SGPL1: variants seen among roughly 807,000 people sequenced by gnomAD.
SGPL1 encodes the protein SP-lyase 1.
A neutral mutation model predicts 68.9 loss-of-function variants in SGPL1; 37 were observed. That is an observed-to-expected ratio of 0.54 (90% CI 0.41 to 0.71). The LOEUF (loss-of-function observed/expected upper bound fraction) is 0.71, where lower values mean the gene tolerates loss of function less well. SGPL1 is among the 30% of genes least tolerant of loss of function. SGPL1 has a pLI of 0.00. For missense variants in SGPL1, 551 were observed against 704.6 expected, an observed-to-expected ratio of 0.78 and a Z score of 2.47; for synonymous variants, 236 against 248.5, an observed-to-expected ratio of 0.95 and a Z score of 0.47.
At position 70,844,489 on chromosome 10, in the gene SGPL1, A is replaced by G. The variant is rs188194665; in HGVS notation, c.44A>G (p.Tyr15Cys). Residue 15 changes from tyrosine (Y) to cysteine (C), a missense_variant, in exon 3 of 15, where the codon TAC (tyrosine) becomes TGC (cysteine). Transcript: ENST00000373202. The stretch of plus-strand genomic sequence containing the variant: ...TATTTCTAGAAGGCCTTTGAGCCCT[A>G]CTTAGAGATTTTGGAAGTATACTCC... Reference protein sequence around the residue: ...DLLMLKAFEPYLEILEVYSTK... With the variant: ...DLLMLKAFEPCLEILEVYSTK... 412 of 1,613,822 alleles carry G rather than the reference A, an allele frequency of 2.6e-4. 1 individual carries two copies. The highest frequency in any genetic ancestry group is 1.8e-3 in the Middle Eastern group (11 of 6,058).
chr10:70,829,945 T>A (rs1365156919), intron 2 of SGPL1, among the ~76,000 whole-genome samples: 3 of 152,196 alleles, frequency 2.0e-5, no homozygotes, highest in African/African-American at 7.2e-5. Context: ...GTTAATAATT[T>A]ATTATTATAA....
intron 2 of SGPL1, among the ~76,000 whole-genome samples, chr10:70,823,917 G>T (rs1025388751): frequency 4.6e-5 from 7 of 152,226 alleles, no homozygotes; most frequent in Admixed American, 4.6e-4. Context: ...TATAGGGAAA[G>T]CTTTCTAGTC....
chr10:70,872,119 C>T, intron 11 of SGPL1, 133 bp downstream of exon 11: 1 of 899,850 alleles, frequency 1.1e-6, no homozygotes, highest in African/African-American at 1.7e-5. Context: ...TAAACTCTCT[C>T]TTTGCCGTCA....
At chr10:70,858,000 A>G (rs956556260) in intron 6 of SGPL1, among the ~76,000 whole-genome samples, 4 of 152,216 alleles carry the variant, frequency 2.6e-5, no homozygotes, top group African/African-American at 9.6e-5. Flanking sequence ...ATTTTGTTTG[A>G]TAAGAAGAGA....
rs534781436 is a variant in SGPL1 at position 70,830,189 on chromosome 10, G to C, written c.27+13309G>C. ...AAGGGACATTTGGTGAACACAAATG[G>C]AACTGTTAGGTCATGATGCTTTTTT... On this transcript the variant is annotated intron_variant, in intron 2 of 14. Coordinates refer to ENST00000373202, the MANE Select transcript of SGPL1 (RefSeq NM_003901.4). Among the ~76,000 whole-genome samples, 4 of 152,284 alleles carry C rather than the reference G, an allele frequency of 2.6e-5. No homozygotes were observed. In the South Asian group the frequency reaches 8.3e-4, roughly 32 times the overall value.
chr10:70,859,516 G>T lies in SGPL1; in HGVS notation c.615+17G>T. ...TGTGGATGTGTAAGTATATGCAAGGGGCATCCAATAGCCTTATTTTTTAGG... is the reference window on the plus strand; with the variant it reads ...TGTGGATGTGTAAGTATATGCAAGGTGCATCCAATAGCCTTATTTTTTAGG... On this transcript the variant is annotated intron_variant, in intron 7 of 14. Coordinates refer to ENST00000373202, the MANE Select transcript of SGPL1 (RefSeq NM_003901.4). 2.1e-6 allele frequency: 3 copies of T among 1,407,634 alleles called. No individual in the cohort carries two copies. The highest frequency in any genetic ancestry group is 1.9e-6 in the Non-Finnish European group (2 of 1,069,396). The allele number at this position is 1,407,634 out of a possible 1,614,324, so 87.2% of individuals were successfully genotyped here.
chr10:70,871,820 T>G lies in SGPL1; in HGVS notation c.910-17T>G. 6.2e-7 allele frequency: 1 copy of G among 1,612,158 alleles called. No homozygotes were observed. Among genetic ancestry groups the G allele is most frequent in the Non-Finnish European group, 8.5e-7 (1 of 1,179,222 alleles). On this transcript the variant is annotated splice_polypyrimidine_tract_variant and intron_variant, in intron 10 of 14. Coordinates refer to ENST00000373202, the MANE Select transcript of SGPL1 (RefSeq NM_003901.4). ...TATAAAGGAAATTCTCTTATGTTCTTTGTTTTTTGGAACAAGCTGGCTGTC... is the reference window on the plus strand; with the variant it reads ...TATAAAGGAAATTCTCTTATGTTCTGTGTTTTTTGGAACAAGCTGGCTGTC...
At position 70,868,429 on chromosome 10, in the gene SGPL1, G is replaced by A; in HGVS notation, c.700G>A (p.Glu234Lys). The A allele has an allele frequency of 6.2e-7, 1 of 1,612,842 alleles. No homozygotes were observed. Among genetic ancestry groups the A allele is most frequent in the Non-Finnish European group, 8.5e-7 (1 of 1,178,906 alleles). ...LAFEKGIKTP[E>K]IVAPQSAHAA... ...CTTTGAGAAGGGGATCAAAACTCCA[G>A]AAATGTATGTATGTGTGGCTGTTTT... The change falls in exon 8 of 15, where the codon GAA becomes AAA. Residue 234 changes from glutamate to lysine, a missense_variant. Transcript: ENST00000373202.
chr10:70,844,673 G>C (rs1249601810), intron 3 of SGPL1, 35 bp downstream of exon 3: 1 of 1,578,084 alleles, frequency 6.3e-7, no homozygotes, highest in Admixed American at 1.7e-5. Flanking sequence ...AGGTATAGTG[G>C]TGTGTCACTA....
chr10:70,835,051 CTG>C, intron 2 of SGPL1, among the ~76,000 whole-genome samples: 1 of 152,292 alleles, frequency 6.6e-6, no homozygotes, highest in Admixed American at 6.5e-5. Flanking sequence ...CCCACTGCCA[CTG>C]TGTCTTGTTA....
At chr10:70,872,509 G>C (rs1846314176) in intron 11 of SGPL1, among the ~76,000 whole-genome samples, 1 of 152,230 alleles carries the variant, frequency 6.6e-6, no homozygotes, top group Non-Finnish European at 1.5e-5. Flanking sequence ...GCCACCCTTG[G>C]TGGACTGAGA....
At chr10:70,821,408 A>C (rs906227615) in intron 2 of SGPL1, among the ~76,000 whole-genome samples, 3 of 152,124 alleles carry the variant, frequency 2.0e-5, no homozygotes, top group African/African-American at 4.8e-5. Context: ...TTCTTTTCTC[A>C]TCAGAAAATG....
chr10:70,824,920 G>A (rs1372177669), intron 2 of SGPL1, among the ~76,000 whole-genome samples: 1 of 150,752 alleles, frequency 6.6e-6, no homozygotes, highest in Non-Finnish European at 1.5e-5. Context: ...TAGGCACCAA[G>A]TTATCCTAAA....
chr10:70,876,937 G>T (rs1277464705), intron 14 of SGPL1, among the ~76,000 whole-genome samples: 2 of 152,196 alleles, frequency 1.3e-5, no homozygotes, highest in Non-Finnish European at 2.9e-5. Flanking sequence ...TTTGTCACAG[G>T]AAAGATAGTA....
rs896124866 is a variant in SGPL1 at position 70,871,990 on chromosome 10, A to C, written c.1059+4A>C. The C allele has an allele frequency of 1.2e-6, 2 of 1,612,744 alleles. No homozygotes were observed. The highest frequency in any genetic ancestry group is 1.7e-6 in the Non-Finnish European group (2 of 1,179,594). The stretch of plus-strand genomic sequence containing the variant: ...CATTTCAGCTGACACCCATAAGGTG[A>C]GCTAAGGAGGAGATCAAGTGTTACC... On this transcript the variant is annotated splice_donor_region_variant and intron_variant, in intron 11 of 14. Coordinates refer to ENST00000373202, the MANE Select transcript of SGPL1 (RefSeq NM_003901.4).
chr10:70,876,166 C>T (rs934300203), intron 13 of SGPL1, among the ~76,000 whole-genome samples: 1 of 152,166 alleles, frequency 6.6e-6, no homozygotes, highest in African/African-American at 2.4e-5. Flanking sequence ...TCCTTTAAGA[C>T]CCCAGCCATG....
intron 3 of SGPL1, among the ~76,000 whole-genome samples, chr10:70,848,360 A>C (rs553675104): frequency 6.6e-6 from 1 of 152,300 alleles, no homozygotes; most frequent in East Asian, 1.9e-4. Flanking sequence ...TAAAGTAACA[A>C]ATAAAAATTG....
At position 70,851,049 on chromosome 10, in the gene SGPL1, G is replaced by A. The variant is rs573663921; in HGVS notation, c.194-94G>A. 5 of 914,326 alleles carry A rather than the reference G, an allele frequency of 5.5e-6. No homozygotes were observed. In the South Asian group the frequency reaches 7.5e-5, roughly 14 times the overall value. The allele number at this position is 914,326 out of a possible 1,614,324, so 56.6% of individuals were successfully genotyped here. Reference sequence around the variant, plus strand: ...GAAAGAAACTCTTTGCAATTGGAAGGCAAGTGAGGTGGAAGACACATTGAA... The same window carrying A: ...GAAAGAAACTCTTTGCAATTGGAAGACAAGTGAGGTGGAAGACACATTGAA... On this transcript the variant is annotated intron_variant, in intron 3 of 14. Coordinates refer to ENST00000373202, the MANE Select transcript of SGPL1 (RefSeq NM_003901.4).
At chr10:70,841,252 A>G (rs1304990046) in intron 2 of SGPL1, among the ~76,000 whole-genome samples, 3 of 152,152 alleles carry the variant, frequency 2.0e-5, no homozygotes, top group Non-Finnish European at 4.4e-5. Flanking sequence ...CTCCATGGGT[A>G]GCCCTCCAGG....
Sources: allele counts gnomAD v4.1 joint callset (sites outside exome capture counted in the v4.1 genomes callset), GRCh38; gene constraint gnomAD v4.1.1; transcripts MANE v1.5; gene names NCBI Gene and HGNC (gene_info 2026-07-23, HGNC 2026-07-21).